Variants in MMS19 observed in about 807,000 individuals in gnomAD.
MMS19 encodes the protein MMS19 cytosolic iron-sulfur assembly component.
A neutral mutation model predicts 129.8 loss-of-function variants in MMS19; 77 were observed. The observed-to-expected ratio is 0.59, with a 90% confidence interval of 0.49 to 0.72. The LOEUF is 0.72. Ranked by LOEUF, MMS19 falls within the 30% of genes least tolerant of loss-of-function variation. The pLI is 0.00. For missense variants in MMS19, 1,168 were observed against 1,266.3 expected (o/e 0.92, Z 1.18); for synonymous variants, 491 against 502.8 (o/e 0.98, Z 0.31).
At chr10:97,496,348 A>T (rs2039778074) in intron 1 of MMS19, among the ~76,000 whole-genome samples, 1 of 151,960 alleles carries the variant, frequency 6.6e-6, no homozygotes, top group Non-Finnish European at 1.5e-5. Context: ...AAACCTCGTC[A>T]CTACAATACA....
At chr10:97,480,266 G>A in intron 3 of MMS19, 1 of 463,026 alleles carries the variant, frequency 2.2e-6, no homozygotes, top group Non-Finnish European at 4.4e-6. Context: ...GGCAGGCGGA[G>A]TTCCCTCTCT....
At chr10:97,484,173 A>G in intron 1 of MMS19, 22 bp from the exon 2 acceptor site, 1 of 1,429,434 alleles carries the variant, frequency 7.0e-7, no homozygotes, top group Non-Finnish European at 9.4e-7. Context: ...AAAATAAATA[A>G]ATATGAAAAA....
At chr10:97,460,469 G>T in intron 25 of MMS19, 1 of 622,050 alleles carries the variant, frequency 1.6e-6, no homozygotes, top group South Asian at 2.0e-5. Flanking sequence ...TACTTGCGAG[G>T]CTGAAGTGGG....
At chr10:97,483,651 G>C (rs1360487906) in intron 2 of MMS19, among the ~76,000 whole-genome samples, 1 of 152,254 alleles carries the variant, frequency 6.6e-6, no homozygotes, top group East Asian at 1.9e-4. Context: ...TTTATCAGCT[G>C]TTTCCCAAAG....
Position 97,463,933 on chromosome 10 carries a change from G to C in MMS19, c.1837C>G (p.Pro613Ala). ...RQMAEKCQQD[P>A]ESCWYFHQTA... ...TGGTGGAAATACCAGCAACTCTCAG[G>C]GTCCTGCTGACATTTTTCTGCCATC... is the stretch of plus-strand genomic sequence containing the variant. The change falls in exon 19 of 31, where the codon CCT becomes GCT. Residue 613 changes from proline (P) to alanine (A), a missense_variant. Around this residue, in one of 3 missense-constraint regions of MMS19, gnomAD observed 831 missense variants for 910.8 expected, o/e 0.91. Transcript: ENST00000438925. 6.2e-7 allele frequency: 1 copy of C among 1,612,860 alleles called. No individual in the cohort carries two copies. Among genetic ancestry groups the C allele is most frequent in the South Asian group, 1.1e-5 (1 of 90,734 alleles).
intron 4 of MMS19, 43 bp from the exon 5 acceptor site, chr10:97,477,972 G>A: frequency 9.6e-6 from 13 of 1,356,730 alleles, no homozygotes; most frequent in Non-Finnish European, 9.1e-6. Context: ...AGGAATTGCA[G>A]CATGGCCTCC....
At chr10:97,498,475 G>A, upstream of MMS19, 2 of 1,514,064 alleles carry the variant, frequency 1.3e-6, no homozygotes, top group Non-Finnish European at 8.8e-7. Flanking sequence ...CTCCGGGGAA[G>A]CGCAAGGGGG....
chr10:97,477,042 TCTG>T, intron 6 of MMS19, 79 bp from the exon 7 acceptor site: 1 of 1,589,008 alleles, frequency 6.3e-7, no homozygotes, highest in Admixed American at 1.8e-5. Context: ...GTGTTCTCCC[TCTG>T]CTATCATTGC....
intron 2 of MMS19, among the ~76,000 whole-genome samples, chr10:97,483,707 A>T (rs2135466975): frequency 6.6e-6 from 1 of 152,258 alleles, no homozygotes; most frequent in African/African-American, 2.4e-5. Context: ...CCTCCTGGGA[A>T]CTCCCCACAC....
At chr10:97,489,058 C>T (rs1023065246) in intron 1 of MMS19, among the ~76,000 whole-genome samples, 3 of 152,112 alleles carry the variant, frequency 2.0e-5, no homozygotes, top group South Asian at 2.1e-4. Context: ...TATGGCTGGT[C>T]TCGAACTCCT....
At chr10:97,464,717 G>C (rs1589595651) in intron 18 of MMS19, among the ~76,000 whole-genome samples, 1 of 150,602 alleles carries the variant, frequency 6.6e-6, no homozygotes, top group East Asian at 1.9e-4. Context: ...TTGGAGACAG[G>C]GCTTCACTCC....
rs756768415 is a variant in MMS19 at position 97,462,680 on chromosome 10, TCTCTGCAAAACAC to T, written c.1913-11_1914del. ...ACTTTTCTCAGAACTGAGGGCTCCT[TCTCTGCAAAACAC>T]ACACACATGCACACAATCACAAGAC... On this transcript the variant is annotated splice_acceptor_variant and splice_polypyrimidine_tract_variant and coding_sequence_variant and intron_variant, in exon 20 of 31. Transcript: ENST00000438925. LOFTEE classifies it high-confidence loss of function. The T allele has an allele frequency of 6.2e-7, 1 of 1,612,228 alleles. No homozygotes were observed. Among genetic ancestry groups the T allele is most frequent in the Non-Finnish European group, 8.5e-7 (1 of 1,178,334 alleles).
At chr10:97,470,492 C>T (rs552714143) in intron 9 of MMS19, among the ~76,000 whole-genome samples, 15 of 152,226 alleles carry the variant, frequency 9.9e-5, no homozygotes, top group Admixed American at 8.5e-4. Context: ...CCCTATGTTG[C>T]CCAGGCTGGA....
rs184256243 is a variant in MMS19 at position 97,486,472 on chromosome 10, T to G, written c.113-2321A>C. Among the ~76,000 whole-genome samples the G allele has an allele frequency of 3.1e-3, 471 of 152,306 alleles. 1 individual carries two copies. Among genetic ancestry groups the G allele is most frequent in the Non-Finnish European group, 4.2e-3 (283 of 68,018 alleles). ...CTGGGATTGCAGGCGTGAGCCACTGTGCCAGGCCAAAATCCTGCCACTTGG... is the reference window on the plus strand; with the variant it reads ...CTGGGATTGCAGGCGTGAGCCACTGGGCCAGGCCAAAATCCTGCCACTTGG... On this transcript the variant is annotated intron_variant, in intron 1 of 30. Coordinates refer to ENST00000438925, the MANE Select transcript of MMS19 (RefSeq NM_022362.5).
Position 97,462,571 on chromosome 10 carries a change from G to A in MMS19, c.2012+12C>T. 1 of 1,603,608 alleles carries A rather than the reference G, an allele frequency of 6.2e-7. No homozygotes were observed. Among genetic ancestry groups the A allele is most frequent in the Non-Finnish European group, 8.5e-7 (1 of 1,170,476 alleles). On this transcript the variant is annotated intron_variant, in intron 20 of 30. Coordinates refer to ENST00000438925, the MANE Select transcript of MMS19 (RefSeq NM_022362.5). ...CTCCCTGGGTTCAAGCCACATCCAT[G>A]ATTATACTTACTCAGGGCTCAGGTG...
chr10:97,496,855 A>G (rs368522092), intron 1 of MMS19, among the ~76,000 whole-genome samples: 72 of 152,374 alleles, frequency 4.7e-4, no homozygotes, highest in East Asian at 2.3e-3. Flanking sequence ...GAAAGTGTAC[A>G]GGTATCTGCA....
At chr10:97,463,194 C>T (rs1361041029) in intron 19 of MMS19, among the ~76,000 whole-genome samples, 1 of 126,588 alleles carries the variant, frequency 7.9e-6, no homozygotes, top group Non-Finnish European at 1.6e-5. Context: ...GAGACAGGAA[C>T]AGGATCTCGC....
At chr10:97,461,231 G>C in intron 23 of MMS19, 1 of 606,794 alleles carries the variant, frequency 1.6e-6, no homozygotes, top group East Asian at 2.8e-5. Context: ...TTCCAATAAA[G>C]AATTATCCAC....
At chr10:97,477,992 C>T in intron 4 of MMS19, 63 bp from the exon 5 acceptor site, 1 of 1,108,912 alleles carries the variant, frequency 9.0e-7, no homozygotes, top group Non-Finnish European at 1.3e-6. Flanking sequence ...CAAGACACAA[C>T]CCTACGACAG....
Sources: gnomAD v4.1 joint callset for allele counts (sites outside exome capture counted in the v4.1 genomes callset) on GRCh38, gnomAD v4.1.1 for gene constraint, gnomAD v4.1.1 regional missense constraint, MANE v1.5 for transcripts, NCBI Gene and HGNC (gene_info 2026-07-23, HGNC 2026-07-21) for gene names.